Variants in PDXDC1 observed in about 807,000 individuals in gnomAD.
PDXDC1 encodes pyridoxal-dependent decarboxylase domain-containing protein 1.
A neutral mutation model predicts 100.1 loss-of-function variants in PDXDC1; 42 were observed. That is an observed-to-expected ratio of 0.42 (90% CI 0.33 to 0.54). The LOEUF (loss-of-function observed/expected upper bound fraction) is 0.54. Ranked by LOEUF, PDXDC1 falls within the 20% of genes least tolerant of loss-of-function variation. PDXDC1 has a pLI of 0.10. For missense variants in PDXDC1, 636 were observed against 979.2 expected (o/e 0.65, Z 4.68); for synonymous variants, 260 against 371.7 (o/e 0.70, Z 3.46).
At chr16:15,059,860 T>C (rs9927842) in intron 16 of PDXDC1, among the ~76,000 whole-genome samples, 118,235 of 151,950 alleles carry the variant, frequency 0.78, 47,182 homozygotes, top group Admixed American at 0.87. Context: ...ATACTTCATA[T>C]AGTGCACACG....
intron 14 of PDXDC1, among the ~76,000 whole-genome samples, chr16:15,027,529 CAT>C: frequency 6.6e-6 from 1 of 152,298 alleles, no homozygotes; most frequent in Non-Finnish European, 1.5e-5. Context: ...AATGGGATCA[CAT>C]GTGGGCTTGG....
At chr16:15,039,937 T>TC (rs2043733853), downstream of PDXDC1, 1 of 1,267,696 alleles carries the variant, frequency 7.9e-7, no homozygotes, top group East Asian at 2.3e-5. Context: ...TTTTTTTTTT[T>TC]AACCCCTTAA....
intron 16 of PDXDC1, chr16:15,055,919 TC>T (rs1205442649): frequency 8.1e-7 from 1 of 1,232,092 alleles, no homozygotes; most frequent in South Asian, 3.9e-5. Flanking sequence ...TCGGACGAGG[TC>T]CCCGGCTGAC....
chr16:15,043,196 G>A (rs1408195078), downstream of PDXDC1, among the ~76,000 whole-genome samples: 3 of 151,904 alleles, frequency 2.0e-5, no homozygotes, highest in South Asian at 2.1e-4. Context: ...CACCGCACCC[G>A]GCCTAATTTT....
At chr16:15,007,360 G>A (rs1449996840) in intron 6 of PDXDC1, among the ~76,000 whole-genome samples, 1 of 152,186 alleles carries the variant, frequency 6.6e-6, no homozygotes, top group African/African-American at 2.4e-5. Context: ...TTTTTTAGTA[G>A]AGATGGGGTT....
downstream of PDXDC1, among the ~76,000 whole-genome samples, chr16:15,141,845 C>G (rs1371746506): frequency 1.3e-5 from 2 of 152,210 alleles, no homozygotes; most frequent in African/African-American, 4.8e-5. Flanking sequence ...TGCCCAAGCA[C>G]CATGCCCGAG....
chr16:15,077,483 G>A lies in PDXDC1; in HGVS notation c.1399+47427G>A, dbSNP rs552597536. 1.2e-3 allele frequency among the ~76,000 whole-genome samples: 189 copies of A among 152,146 alleles called. 2 individuals carry two copies. The highest frequency in any genetic ancestry group is 4.5e-3 in the African/African-American group (185 of 41,518). On this transcript the variant is annotated intron_variant, in intron 16 of 16. Coordinates refer to the PDXDC1 transcript ENST00000535621. ...TTCTCTTGCCGCCACCATGTAAGAAGTGCCTTTCACCTCCCGCCATGATTC... is the reference window on the plus strand; with the variant it reads ...TTCTCTTGCCGCCACCATGTAAGAAATGCCTTTCACCTCCCGCCATGATTC...
intron 16 of PDXDC1, chr16:15,127,808 C>A: frequency 6.4e-7 from 1 of 1,561,712 alleles, no homozygotes; most frequent in Middle Eastern, 2.3e-4. Context: ...GGCGGCCGGT[C>A]CCATATGGAG....
At chr16:15,142,438 G>A (rs2048489701), downstream of PDXDC1, among the ~76,000 whole-genome samples, 1 of 152,062 alleles carries the variant, frequency 6.6e-6, no homozygotes, top group African/African-American at 2.4e-5. Context: ...ACCCCGCTCG[G>A]CCGAGCTCCC....
At chr16:15,056,040 G>A (rs1033649420) in intron 16 of PDXDC1, 11 of 676,956 alleles carry the variant, frequency 1.6e-5, no homozygotes, top group African/African-American at 7.7e-5. Flanking sequence ...CGGGCCGCCC[G>A]CCGCCCCCGC....
chr16:15,002,836 T>C (rs1403454729), intron 4 of PDXDC1, among the ~76,000 whole-genome samples: 1 of 152,202 alleles, frequency 6.6e-6, no homozygotes, highest in Non-Finnish European at 1.5e-5. Flanking sequence ...GGATCATTGA[T>C]AAGTGATATT....
In PDXDC1 at chr16:15,124,328, C is replaced by G. The variant is rs574871987; in HGVS notation, c.1400-14551C>G. ...AGAGTGTGCCCAAACTCTCTCAGGCCTCTGGCAGCTGAAAACCACTGCTTT... is the reference window on the plus strand; with the variant it reads ...AGAGTGTGCCCAAACTCTCTCAGGCGTCTGGCAGCTGAAAACCACTGCTTT... On this transcript the variant is annotated intron_variant, in intron 16 of 16. Transcript: ENST00000535621. 6.6e-5 allele frequency among the ~76,000 whole-genome samples: 10 copies of G among 152,316 alleles called. No homozygotes were observed. The South Asian group carries it at 1.9e-3, about 28-fold the overall frequency.
At chr16:15,101,505 T>C (rs2046548594) in intron 16 of PDXDC1, among the ~76,000 whole-genome samples, 1 of 151,652 alleles carries the variant, frequency 6.6e-6, no homozygotes, top group Non-Finnish European at 1.5e-5. Context: ...ATGGGGTTAG[T>C]AGAGATTTGT....
At chr16:15,043,095 TCTCCATGTTGGTCAGGCTGGTCTTGAA>T (rs1368809061), downstream of PDXDC1, among the ~76,000 whole-genome samples, 11 of 152,130 alleles carry the variant, frequency 7.2e-5, no homozygotes, top group Non-Finnish European at 1.5e-4. Context: ...AGACGGGGTT[TCTCCATGTTGGTCAGGCTGGTCTTGAA>T]CTTCTGACCT....
chr16:14,984,992 A>C (rs1968996957), intron 1 of PDXDC1, among the ~76,000 whole-genome samples: 1 of 152,162 alleles, frequency 6.6e-6, no homozygotes. Context: ...CTCCTGCCTC[A>C]GCTTCCTGAG....
chr16:15,013,036 G>T (rs2041457627), intron 8 of PDXDC1, among the ~76,000 whole-genome samples: 1 of 152,386 alleles, frequency 6.6e-6, no homozygotes, highest in South Asian at 2.1e-4. Flanking sequence ...TGGGTGTGGT[G>T]GTGGGCACCT....
At chr16:14,983,572 CAAAAAAA>C (rs56258905) in intron 1 of PDXDC1, among the ~76,000 whole-genome samples, 24 of 88,426 alleles carry the variant, frequency 2.7e-4, no homozygotes, top group African/African-American at 9.0e-4. Flanking sequence ...GACTCCGTCT[CAAAAAAA>C]AAAAAAAAAA....
At position 15,037,932 on chromosome 16, in the gene PDXDC1, C is replaced by CTAAGACCCAACAGATG; in HGVS notation, c.*1660_*1675dup. 1.2e-6 allele frequency: 1 copy of CTAAGACCCAACAGATG among 807,086 alleles called. No individual in the cohort carries two copies. The highest frequency in any genetic ancestry group is 1.8e-5 in the South Asian group (1 of 55,810). The allele number at this position is 807,086 out of a possible 1,614,324, so 50.0% of individuals were successfully genotyped here. ...AAAGACACTGAGGAGGGAAGGAGGC[C>CTAAGACCCAACAGATG]TAAGACCCAACAGATGTAGGATCCA... On this transcript the variant is annotated 3_prime_UTR_variant, in exon 23 of 23. Coordinates refer to ENST00000396410, the MANE Select transcript of PDXDC1 (RefSeq NM_015027.4).
chr16:15,087,572 T>C (rs1274814323), intron 16 of PDXDC1, among the ~76,000 whole-genome samples: 1 of 152,096 alleles, frequency 6.6e-6, no homozygotes, highest in African/African-American at 2.4e-5. Flanking sequence ...CTCCCACAGA[T>C]CAACCATTTT....
Sources: gnomAD v4.1 joint callset for allele counts (sites outside exome capture counted in the v4.1 genomes callset) on GRCh38, gnomAD v4.1.1 for gene constraint, MANE v1.5 for transcripts, NCBI Gene and HGNC (gene_info 2026-07-23, HGNC 2026-07-21) for gene names.